Variants in CHST6 observed in about 807,000 individuals in gnomAD.
The protein encoded by CHST6 is N-acetylglucosamine 6-O-sulfotransferase 5.
For missense variants in CHST6, 698 were observed against 586.2 expected (o/e 1.19, Z -1.97); for synonymous variants, 309 against 276.4 (o/e 1.12, Z -1.17).
In CHST6 at chr16:75,478,368, A is replaced by C; in HGVS notation, c.*273T>G. The C allele has an allele frequency of 2.0e-6, 1 of 509,794 alleles. No homozygotes were observed. Among genetic ancestry groups the C allele is most frequent in the Non-Finnish European group, 3.5e-6 (1 of 282,126 alleles). 31.6% of individuals were successfully genotyped at this position (509,794 alleles called of 1,614,324 possible). A position where few individuals can be genotyped will look rare whatever the true frequency, so the allele number is the denominator to read the frequency against. On this transcript the variant is annotated 3_prime_UTR_variant, in exon 3 of 3. Coordinates refer to ENST00000332272, the MANE Select transcript of CHST6 (RefSeq NM_021615.5). Reference sequence around the variant, plus strand: ...AAAGCCCTTGAGTAGGAGCCAAGTCATCTGAACGCACACCCTGTGCCCAGA... The same window carrying C: ...AAAGCCCTTGAGTAGGAGCCAAGTCCTCTGAACGCACACCCTGTGCCCAGA...
At chr16:75,491,190 A>AATATATATATATATAT (rs1555501738) in intron 1 of CHST6, among the ~76,000 whole-genome samples, 58 of 50,054 alleles carry the variant, frequency 1.2e-3, no homozygotes, top group African/African-American at 1.8e-3. Context: ...AAAAAAAAAA[A>AATATATATATATATAT]ATATATATAT....
chr16:75,479,222 C>A lies in CHST6; in HGVS notation c.607G>T (p.Asp203Tyr). 6.2e-7 allele frequency: 1 copy of A among 1,610,528 alleles called. No individual in the cohort carries two copies. Residue 203 changes from aspartate to tyrosine, a missense_variant, in exon 3 of 3, where the codon GAC becomes TAC. Coordinates refer to ENST00000332272, the MANE Select transcript of CHST6 (RefSeq NM_021615.5). The part of the protein sequence containing the change: ...LNLRIVHLVR[D>Y]PRAVLRSREQ... ...CGGGAGCGCAGCACGGCCCGCGGGT[C>A]GCGCACCAGGTGCACGATGCGTAGG...
chr16:75,480,139 A>G (rs1597474758), intron 2 of CHST6, among the ~76,000 whole-genome samples: 1 of 152,074 alleles, frequency 6.6e-6, no homozygotes, highest in Non-Finnish European at 1.5e-5. Flanking sequence ...TCTTAGTTCT[A>G]CCTACCCACA....
At chr16:75,483,774 G>A (rs2080166803) in intron 1 of CHST6, among the ~76,000 whole-genome samples, 1 of 152,022 alleles carries the variant, frequency 6.6e-6, no homozygotes, top group African/African-American at 2.4e-5. Context: ...CTGTAATTAG[G>A]GCACTTTGGG....
chr16:75,491,190 A>AAAAAT lies in CHST6; in HGVS notation c.-92+3749_-92+3750insATTTT, dbSNP rs1206595857. On this transcript the variant is annotated intron_variant, in intron 1 of 2. Coordinates refer to ENST00000332272, the MANE Select transcript of CHST6 (RefSeq NM_021615.5). Reference sequence around the variant, plus strand: ...TAAAAAAAAAAAAAAAAAAAAAAAAAATATATATATATATATATATATATA... The same window carrying AAAAAT: ...TAAAAAAAAAAAAAAAAAAAAAAAAAAAAATATATATATATATATATATATATATA... Among the ~76,000 whole-genome samples the AAAAAT allele has an allele frequency of 1.8e-3, 89 of 50,082 alleles. 1 individual carries two copies. The highest frequency in any genetic ancestry group is 4.5e-3 in the East Asian group (3 of 664). The allele number at this position is 50,082 out of a possible 152,430, so 32.9% of individuals were successfully genotyped here. A position where few individuals can be genotyped will look rare whatever the true frequency, so the allele number is the denominator to read the frequency against.
At chr16:75,486,605 AG>A (rs2080201341) in intron 1 of CHST6, among the ~76,000 whole-genome samples, 2 of 152,250 alleles carry the variant, frequency 1.3e-5, no homozygotes, top group South Asian at 4.1e-4. Flanking sequence ...ACAAGGGAAG[AG>A]GAAACTGCCT....
At position 75,476,280 on chromosome 16, in the gene CHST6, AGT is replaced by A. The variant is rs1283737687; in HGVS notation, c.*2359_*2360del. The stretch of plus-strand genomic sequence containing the variant: ...TTAAAAGGCCCTGGAGACTGGGTAC[AGT>A]GGCTCATGCCTGTAATCTCAGCACT... On this transcript the variant is annotated 3_prime_UTR_variant, in exon 3 of 3. Coordinates refer to ENST00000332272, the MANE Select transcript of CHST6 (RefSeq NM_021615.5). 1 of 151,312 alleles carries A rather than the reference AGT, an allele frequency of 6.6e-6. No homozygotes were observed. Among genetic ancestry groups the A allele is most frequent in the African/African-American group, 2.4e-5 (1 of 41,156 alleles). The allele number at this position is 151,312 out of a possible 1,614,324, so 9.4% of individuals were successfully genotyped here.
intron 1 of CHST6, among the ~76,000 whole-genome samples, chr16:75,490,154 C>T (rs2080239867): frequency 9.7e-6 from 1 of 103,162 alleles, no homozygotes; most frequent in East Asian, 3.2e-4. Flanking sequence ...GCCTGGGGAA[C>T]AAGAGCGAGA....
Position 75,476,158 on chromosome 16 carries a change from T to A in CHST6, c.*2483A>T, listed in dbSNP as rs1044342583. ...CACCACGCCTGGCTTGTGGTTGAAA[T>A]CTTAACCCACAATATGATGGTGTTG... On this transcript the variant is annotated 3_prime_UTR_variant, in exon 3 of 3. Transcript: ENST00000332272. 6.6e-6 allele frequency: 1 copy of A among 151,950 alleles called. No individual in the cohort carries two copies. The highest frequency in any genetic ancestry group is 2.4e-5 in the African/African-American group (1 of 41,336). The allele number at this position is 151,950 out of a possible 1,614,324, so 9.4% of individuals were successfully genotyped here.
rs377058934 is a variant in CHST6 at position 75,491,707 on chromosome 16, C to T, written c.-92+3233G>A. On this transcript the variant is annotated intron_variant, in intron 1 of 2. Transcript: ENST00000332272. ...TCTTATTAGTGCTTTGCTGCATTTTCCAGATAGTCTACATCAGACTTTTAC... is the reference window on the plus strand; with the variant it reads ...TCTTATTAGTGCTTTGCTGCATTTTTCAGATAGTCTACATCAGACTTTTAC... Among the ~76,000 whole-genome samples the T allele has an allele frequency of 7.8e-4, 119 of 152,216 alleles. 3 individuals are homozygous for T. The South Asian group carries it at 0.021, about 27-fold the overall frequency.
At chr16:75,489,560 T>C (rs1338809465) in intron 1 of CHST6, among the ~76,000 whole-genome samples, 1 of 151,980 alleles carries the variant, frequency 6.6e-6, no homozygotes, top group Non-Finnish European at 1.5e-5. Context: ...CATACATATA[T>C]ACATTTCTCC....
In CHST6 at chr16:75,478,851, C is replaced by T; in HGVS notation, c.978G>A (p.Ala326=). The T allele has an allele frequency of 6.2e-7, 1 of 1,613,492 alleles. No homozygotes were observed. The highest frequency in any genetic ancestry group is 8.5e-7 in the Non-Finnish European group (1 of 1,179,978). ...REAFKTSSRN[A]LNVSQAWRHA... ...GGCGCCAGGCCTGGGAGACGTTGAG[C>T]GCATTCCTGGACGAAGTCTTGAAGG... Residue 326 remains alanine, a synonymous_variant, in exon 3 of 3, where the codon GCG becomes GCA. Coordinates refer to ENST00000332272, the MANE Select transcript of CHST6 (RefSeq NM_021615.5).
intron 1 of CHST6, among the ~76,000 whole-genome samples, chr16:75,494,293 A>G (rs914126740): frequency 6.6e-6 from 1 of 152,158 alleles, no homozygotes; most frequent in African/African-American, 2.4e-5. Flanking sequence ...CCGGCCTCTC[A>G]GGCTGGAGAG....
chr16:75,490,896 AACC>A (rs1161043890), intron 1 of CHST6: 1 of 152,172 alleles, frequency 6.6e-6, no homozygotes, highest in African/African-American at 2.4e-5. Context: ...AATGTGGTGT[AACC>A]ACACAGTAGA....
At chr16:75,488,366 C>G (rs2080223237) in intron 1 of CHST6, among the ~76,000 whole-genome samples, 1 of 151,844 alleles carries the variant, frequency 6.6e-6, no homozygotes, top group Non-Finnish European at 1.5e-5. Context: ...ACTCCAGAGG[C>G]TGAGGCAGGA....
At chr16:75,483,150 A>T (rs2080160933) in intron 1 of CHST6, among the ~76,000 whole-genome samples, 1 of 152,218 alleles carries the variant, frequency 6.6e-6, no homozygotes, top group South Asian at 2.1e-4. Context: ...GCTTGGAGAG[A>T]CAGCGAGAAA....
chr16:75,489,081 T>C (rs2650416), intron 1 of CHST6, among the ~76,000 whole-genome samples: 2,401 of 151,486 alleles, frequency 0.016, 40 homozygotes, highest in Middle Eastern at 0.061. Context: ...CCCTATTTTA[T>C]AGATGAGGAA....
At chr16:75,484,402 G>T (rs781378222) in intron 1 of CHST6, among the ~76,000 whole-genome samples, 1 of 152,154 alleles carries the variant, frequency 6.6e-6, no homozygotes, top group Non-Finnish European at 1.5e-5. Context: ...GACTCTCACT[G>T]CAGGGCTCTG....
At chr16:75,486,381 C>T (rs2080198658) in intron 1 of CHST6, among the ~76,000 whole-genome samples, 1 of 152,230 alleles carries the variant, frequency 6.6e-6, no homozygotes, top group Non-Finnish European at 1.5e-5. Context: ...ATAACAGTCT[C>T]TAGGCTTTTC....
Sources: allele counts gnomAD v4.1 joint callset (sites outside exome capture counted in the v4.1 genomes callset), GRCh38; gene constraint gnomAD v4.1.1; transcripts MANE v1.5; gene names NCBI Gene and HGNC (gene_info 2026-07-23, HGNC 2026-07-21).